RNF149: variants seen among roughly 807,000 people sequenced by gnomAD.
RNF149 encodes ring finger protein 149.
RNF149 carries 21 observed loss-of-function variants against 39.0 expected under a neutral mutation model. That is an observed-to-expected ratio of 0.54 (90% CI 0.38 to 0.77). The LOEUF (loss-of-function observed/expected upper bound fraction) is 0.77. RNF149 is among the 30% of genes least tolerant of loss of function. RNF149 has a pLI of 0.00. For synonymous variants in RNF149, 209 were observed against 213.6 expected, an observed-to-expected ratio of 0.98 and a Z score of 0.19; for missense variants, 493 against 534.9, an observed-to-expected ratio of 0.92 and a Z score of 0.77.
chr2:101,303,716 T>C (rs980582822), intron 1 of RNF149, among the ~76,000 whole-genome samples: 4 of 152,258 alleles, frequency 2.6e-5, no homozygotes, highest in South Asian at 2.1e-4. Context: ...CTCTTATCAA[T>C]AGGAGGGATT....
chr2:101,274,579 C>G (rs953700212), downstream of RNF149, among the ~76,000 whole-genome samples: 6 of 152,220 alleles, frequency 3.9e-5, no homozygotes, highest in Non-Finnish European at 7.3e-5. Flanking sequence ...TTCTTGCTTT[C>G]CAGGCCCCTT....
At chr2:101,299,206 C>T (rs1412510517) in intron 1 of RNF149, among the ~76,000 whole-genome samples, 1 of 152,180 alleles carries the variant, frequency 6.6e-6, no homozygotes, top group Non-Finnish European at 1.5e-5. Context: ...CGTTCCCTGA[C>T]ATTACACTAA....
chr2:101,273,126 C>T (rs1291091064), downstream of RNF149: 5 of 1,359,862 alleles, frequency 3.7e-6, no homozygotes, highest in East Asian at 4.6e-5. Context: ...GAAATTATTA[C>T]CTGCCAAGTG....
At chr2:101,271,350 G>A (rs1682123189), downstream of RNF149, 2 of 152,188 alleles carry the variant, frequency 1.3e-5, no homozygotes, top group South Asian at 4.1e-4. Context: ...TTTACCTAAA[G>A]TAAAATTGGT....
intron 3 of RNF149, among the ~76,000 whole-genome samples, chr2:101,291,185 T>C (rs1380862720): frequency 6.6e-6 from 1 of 152,158 alleles, no homozygotes; most frequent in Admixed American, 6.5e-5. Flanking sequence ...GGAGTCTCGC[T>C]CTGTCGCCAG....
chr2:101,288,891 A>C (rs778302141), intron 4 of RNF149, 82 bp downstream of exon 4: 83 of 703,390 alleles, frequency 1.2e-4, no homozygotes, highest in Non-Finnish European at 1.9e-4. Context: ...CTTCATTATC[A>C]TAAAAAACAA....
chr2:101,302,214 G>A (rs981202810), intron 1 of RNF149, among the ~76,000 whole-genome samples: 7 of 152,132 alleles, frequency 4.6e-5, no homozygotes, highest in African/African-American at 7.2e-5. Flanking sequence ...TGTAGCCCTA[G>A]CATGAAGCAG....
chr2:101,307,718 T>C (rs1337999432), intron 1 of RNF149: 1 of 564,950 alleles, frequency 1.8e-6, no homozygotes, highest in Admixed American at 6.3e-5. Flanking sequence ...TTTATGTTGG[T>C]GAAGGGACAA....
intron 5 of RNF149, among the ~76,000 whole-genome samples, chr2:101,284,856 AAG>A (rs1416211968): frequency 6.6e-6 from 1 of 152,206 alleles, no homozygotes; most frequent in African/African-American, 2.4e-5. Flanking sequence ...GTTTAGCAAC[AAG>A]ACTATATTTG....
At chr2:101,298,202 G>A (rs995567623) in intron 1 of RNF149, among the ~76,000 whole-genome samples, 7 of 152,054 alleles carry the variant, frequency 4.6e-5, no homozygotes, top group African/African-American at 7.2e-5. Flanking sequence ...GGGCCAAGGC[G>A]GATGGATCAG....
chr2:101,307,017 C>T (rs979800118), intron 1 of RNF149, among the ~76,000 whole-genome samples: 2 of 152,168 alleles, frequency 1.3e-5, no homozygotes, highest in Non-Finnish European at 2.9e-5. Context: ...TGTTATCTTA[C>T]ATAACAGAGT....
rs1050438569 is a variant in RNF149 at position 101,281,799 on chromosome 2, C to T, written c.1159+60G>A. 3.5e-5 allele frequency: 56 copies of T among 1,591,398 alleles called. No homozygotes were observed. In the African/African-American group the frequency reaches 3.6e-4, roughly 10 times the overall value. ...TTAAACTCCCAAAGCACTGAGATTA[C>T]AGGTGTGAGCCACCACTCCTGGCCA... On this transcript the variant is annotated intron_variant, in intron 6 of 6. Transcript: ENST00000295317.
In RNF149 at chr2:101,276,785, C is replaced by CA. The variant is rs987587444; in HGVS notation, c.*452dup. The CA allele has an allele frequency of 1.3e-5, 13 of 986,550 alleles. No individual in the cohort carries two copies. The South Asian group carries it at 1.4e-4, about 10-fold the overall frequency. The allele number at this position is 986,550 out of a possible 1,614,324, so 61.1% of individuals were successfully genotyped here. A position where few individuals can be genotyped will look rare whatever the true frequency, so the allele number is the denominator to read the frequency against. Reference sequence around the variant, plus strand: ...TTTCAAGTTCTTAAAAAAAAAACAACAAAAAAAACCTTTCCTCCAGGGAAA... The same window carrying CA: ...TTTCAAGTTCTTAAAAAAAAAACAACAAAAAAAAACCTTTCCTCCAGGGAAA... On this transcript the variant is annotated 3_prime_UTR_variant, in exon 7 of 7. Transcript: ENST00000295317.
intron 1 of RNF149, among the ~76,000 whole-genome samples, chr2:101,307,024 G>A (rs567151747): frequency 1.3e-5 from 2 of 152,322 alleles, no homozygotes; most frequent in African/African-American, 4.8e-5. Flanking sequence ...TTACATAACA[G>A]AGTATGTTCA....
intron 1 of RNF149, among the ~76,000 whole-genome samples, chr2:101,295,615 C>A (rs149562488): frequency 6.7e-6 from 1 of 149,974 alleles, no homozygotes; most frequent in East Asian, 2.0e-4. Flanking sequence ...GAGCTGAGAT[C>A]GCGCCACTGC....
At chr2:101,302,750 CAGA>C (rs1179008615) in intron 1 of RNF149, among the ~76,000 whole-genome samples, 1 of 152,076 alleles carries the variant, frequency 6.6e-6, no homozygotes, top group African/African-American at 2.4e-5. Context: ...GAGGCCGGGG[CAGA>C]AGGACAGCTT....
At position 101,282,038 on chromosome 2, in the gene RNF149, T is replaced by C. The variant is rs1682613099; in HGVS notation, c.980A>G (p.Gln327Arg). Reference protein sequence around the residue: ...LGYWGEPGDVQEMPAPESPPG... With the variant: ...LGYWGEPGDVREMPAPESPPG... ...AGGAGATTCTGGAGCAGGCATCTCC[T>C]GTACATCCCCAGGCTCTCCCTTGAG... Residue 327 changes from glutamine to arginine, a missense_variant, in exon 6 of 7, where the codon CAG (glutamine) becomes CGG (arginine). Physicochemically the swap from Gln to Arg is conservative, Grantham distance 43. Transcript: ENST00000295317. The C allele has an allele frequency of 1.2e-6, 2 of 1,613,994 alleles. No individual in the cohort carries two copies. Among genetic ancestry groups the C allele is most frequent in the Non-Finnish European group, 1.7e-6 (2 of 1,179,954 alleles).
At chr2:101,302,972 A>G (rs1294160080) in intron 1 of RNF149, among the ~76,000 whole-genome samples, 1 of 113,304 alleles carries the variant, frequency 8.8e-6, no homozygotes, top group Non-Finnish European at 1.8e-5. Context: ...AGACTGAGAC[A>G]CTTGTCTCTA....
intron 3 of RNF149, among the ~76,000 whole-genome samples, chr2:101,290,669 T>G (rs1682972053): frequency 6.6e-6 from 1 of 152,242 alleles, no homozygotes; most frequent in African/African-American, 2.4e-5. Flanking sequence ...GCTAAATATT[T>G]GAAAATAGTT....
Sources: allele counts gnomAD v4.1 joint callset (sites outside exome capture counted in the v4.1 genomes callset), GRCh38; gene constraint gnomAD v4.1.1; transcripts MANE v1.5; gene names NCBI Gene and HGNC (gene_info 2026-07-23, HGNC 2026-07-21).